The following DOCK7 variants were observed in gnomAD, a reference collection of about 807,000 sequenced individuals.
DOCK7 encodes the protein dedicator of cytokinesis 7.
In DOCK7, 138 loss-of-function variants were observed where a neutral mutation model predicts 271.0. The observed-to-expected ratio is 0.51, with a 90% CI of 0.44 to 0.59. The LOEUF is 0.59. DOCK7 is among the 20% of genes least tolerant of loss of function. The probability of loss-of-function intolerance (pLI) is 0.00; values close to 1 mark genes in which losing one functional copy is unlikely to be tolerated. For missense variants in DOCK7, 2,066 were observed against 2,592.4 expected (o/e 0.80, Z 4.41); for synonymous variants, 823 against 876.1 (o/e 0.94, Z 1.07).
At chr1:62,535,420 T>C in intron 29 of DOCK7, 73 bp downstream of exon 29, 1 of 1,288,254 alleles carries the variant, frequency 7.8e-7, no homozygotes, top group Non-Finnish European at 1.1e-6. Context: ...CCTCAGGAAA[T>C]GTGAGTGGAA....
rs1571237038 is a variant in DOCK7 at position 62,481,031 on chromosome 1, C to T, written c.5509-3206G>A. 9.8e-5 allele frequency among the ~76,000 whole-genome samples: 9 copies of T among 91,690 alleles called. 2 individuals are homozygous for T. The highest frequency in any genetic ancestry group is 3.1e-4 in the African/African-American group (9 of 29,088). 60.2% of individuals were successfully genotyped at this position (91,690 alleles called of 152,430 possible). Reference sequence around the variant, plus strand: ...CTCAAAAAAAAAAAAAAAAAAAAATCTGTGAACAAAAGGGACAAAGAAGAT... The same window carrying T: ...CTCAAAAAAAAAAAAAAAAAAAAATTTGTGAACAAAAGGGACAAAGAAGAT... On this transcript the variant is annotated intron_variant, in intron 43 of 49. Transcript: ENST00000635253.
At chr1:62,532,509 T>G (rs1645205635) in intron 29 of DOCK7, among the ~76,000 whole-genome samples, 1 of 152,058 alleles carries the variant, frequency 6.6e-6, no homozygotes, top group Admixed American at 6.6e-5. Flanking sequence ...TTAAAAAAAT[T>G]TTTTTGGTAC....
chr1:62,612,316 A>T lies in DOCK7; in HGVS notation c.1682+6390T>A, dbSNP rs116480115. 7.0e-3 allele frequency among the ~76,000 whole-genome samples: 1,062 copies of T among 152,316 alleles called. 15 individuals carry two copies. Among genetic ancestry groups the T allele is most frequent in the African/African-American group, 0.024 (1,003 of 41,566 alleles). On this transcript the variant is annotated intron_variant, in intron 14 of 49. Coordinates refer to ENST00000635253, the MANE Select transcript of DOCK7 (RefSeq NM_001367561.1). Reference sequence around the variant, plus strand: ...CAAAAATGACAATGCAAGTTAATTAATCTGTTCTCTAATGAGAATATATGG... The same window carrying T: ...CAAAAATGACAATGCAAGTTAATTATTCTGTTCTCTAATGAGAATATATGG...
At chr1:62,543,587 G>T (rs1645604945) in intron 24 of DOCK7, 69 bp downstream of exon 24, 1 of 1,197,068 alleles carries the variant, frequency 8.4e-7, no homozygotes, top group South Asian at 1.4e-5. Context: ...GTTATGTAAA[G>T]AAATCTTACA....
At chr1:62,646,916 TA>T (rs1656740991) in intron 7 of DOCK7, among the ~76,000 whole-genome samples, 1 of 152,182 alleles carries the variant, frequency 6.6e-6, no homozygotes. Context: ...ATAAAGCTGT[TA>T]AAAAACAAAA....
chr1:62,542,209 G>A (rs550668942), intron 25 of DOCK7, among the ~76,000 whole-genome samples: 1 of 152,036 alleles, frequency 6.6e-6, no homozygotes, highest in African/African-American at 2.4e-5. Context: ...ATTGTAACTG[G>A]CATTTCCCTA....
intron 14 of DOCK7, among the ~76,000 whole-genome samples, chr1:62,612,912 G>T (rs1403209379): frequency 7.9e-5 from 12 of 152,050 alleles, no homozygotes; most frequent in Non-Finnish European, 1.5e-4. Flanking sequence ...CTGGAAATGC[G>T]GCTAACTCTA....
chr1:62,603,826 ATTATT>A (rs1650518069), intron 14 of DOCK7: 11 of 737,368 alleles, frequency 1.5e-5, no homozygotes, highest in Non-Finnish European at 2.4e-5. Context: ...TTTAAAAGGT[ATTATT>A]TTAAGATACA....
intron 21 of DOCK7, chr1:62,555,199 A>G (rs1055490969): frequency 6.6e-6 from 1 of 152,208 alleles, no homozygotes; most frequent in Non-Finnish European, 1.5e-5. Context: ...CAGAAAGGTT[A>G]TATTATTTCA....
At chr1:62,523,551 A>T (rs1482580104) in intron 31 of DOCK7, among the ~76,000 whole-genome samples, 1 of 152,222 alleles carries the variant, frequency 6.6e-6, no homozygotes, top group Non-Finnish European at 1.5e-5. Context: ...ATTAGCTGCA[A>T]GACTAAATTT....
At chr1:62,506,495 G>T (rs1251489961) in intron 35 of DOCK7, among the ~76,000 whole-genome samples, 2 of 151,310 alleles carry the variant, frequency 1.3e-5, no homozygotes, top group African/African-American at 2.4e-5. Context: ...TTTTGAGATG[G>T]AGTCTCACTC....
chr1:62,563,863 CAAAAAAAAAAAAAAAAAAAAAAAAAAAAA>C (rs71045848), intron 18 of DOCK7, among the ~76,000 whole-genome samples: 6 of 38,816 alleles, frequency 1.5e-4, no homozygotes, highest in Middle Eastern at 0.025. Flanking sequence ...ATTTACCAAG[CAAAAAAAAAAAAAAAAAAAAAAAAAAAAA>C]AAAAAAAAAA....
At chr1:62,562,900 G>A (rs930059081) in intron 18 of DOCK7, among the ~76,000 whole-genome samples, 2 of 152,018 alleles carry the variant, frequency 1.3e-5, no homozygotes, top group South Asian at 4.2e-4. Context: ...CCCCACTCTC[G>A]CCTCCCTACA....
intron 1 of DOCK7, among the ~76,000 whole-genome samples, chr1:62,670,641 T>C (rs1198932515): frequency 1.3e-5 from 2 of 152,108 alleles, no homozygotes; most frequent in African/African-American, 4.8e-5. Flanking sequence ...GCTGCTCTGG[T>C]GGGGCCTTGT....
At chr1:62,604,226 G>A (rs751132396) in intron 14 of DOCK7, 10 of 1,612,916 alleles carry the variant, frequency 6.2e-6, no homozygotes, top group South Asian at 1.1e-5. Flanking sequence ...CTGTCCAGAG[G>A]GTTATTCAGG....
At chr1:62,497,312 T>G (rs1447507800) in intron 37 of DOCK7, among the ~76,000 whole-genome samples, 1 of 152,188 alleles carries the variant, frequency 6.6e-6, no homozygotes, top group African/African-American at 2.4e-5. Flanking sequence ...CTCATCCATG[T>G]CTTTGCTTCA....
chr1:62,510,719 G>T, intron 33 of DOCK7, 46 bp from the exon 34 acceptor site: 1 of 1,439,090 alleles, frequency 6.9e-7, no homozygotes, highest in Non-Finnish European at 9.8e-7. Flanking sequence ...TATTTCAGTT[G>T]GACCACATAT....
chr1:62,661,433 G>A (rs1416764274), intron 2 of DOCK7, among the ~76,000 whole-genome samples: 1 of 151,798 alleles, frequency 6.6e-6, no homozygotes, highest in Non-Finnish European at 1.5e-5. Flanking sequence ...TAAATTTTAT[G>A]TTATGTATAT....
intron 1 of DOCK7, among the ~76,000 whole-genome samples, chr1:62,683,756 G>T (rs1347649922): frequency 1.3e-5 from 2 of 151,876 alleles, no homozygotes; most frequent in African/African-American, 4.8e-5. Flanking sequence ...GCAACATGGC[G>T]AAAACCCGTC....
Sources: allele counts gnomAD v4.1 joint callset (sites outside exome capture counted in the v4.1 genomes callset), GRCh38; gene constraint gnomAD v4.1.1; transcripts MANE v1.5; gene names NCBI Gene and HGNC (gene_info 2026-07-23, HGNC 2026-07-21).